The following BABAM1 variants were observed in gnomAD, a reference collection of about 807,000 sequenced individuals.
BABAM1 encodes the protein BRISC and BRCA1 A complex member 1.
In BABAM1, 14 loss-of-function variants were observed where a neutral mutation model predicts 34.4. The observed-to-expected ratio is 0.41, with a 90% CI of 0.27 to 0.64. The LOEUF (loss-of-function observed/expected upper bound fraction) is 0.64. Ranked by LOEUF, BABAM1 falls within the 30% of genes least tolerant of loss-of-function variation. BABAM1 has a pLI of 0.34. For missense variants in BABAM1, 393 were observed against 434.0 expected (o/e 0.91, Z 0.84); for synonymous variants, 169 against 165.8 (o/e 1.02, Z -0.15).
intron 3 of BABAM1, among the ~76,000 whole-genome samples, 193 bp from the exon 4 acceptor site, chr19:17,273,711 C>G (rs571503302): frequency 6.6e-6 from 1 of 151,702 alleles, no homozygotes; most frequent in African/African-American, 2.4e-5. Context: ...TACAGGCACT[C>G]GCCACCACGC....
At chr19:17,273,564 G>GTTTTGTTTT (rs1555716590) in intron 3 of BABAM1, among the ~76,000 whole-genome samples, 10 of 45,938 alleles carry the variant, frequency 2.2e-4, no homozygotes, top group African/African-American at 5.8e-4. Flanking sequence ...TGTTTGTTTT[G>GTTTTGTTTT]TTTTTTTTTT....
chr19:17,271,724 G>A, intron 3 of BABAM1, 69 bp downstream of exon 3: 1 of 1,528,702 alleles, frequency 6.5e-7, no homozygotes, highest in South Asian at 1.2e-5. Context: ...AAGATACGGG[G>A]CTCTCACTCT....
At chr19:17,271,908 A>T (rs927412570) in intron 3 of BABAM1, among the ~76,000 whole-genome samples, 22 of 152,154 alleles carry the variant, frequency 1.4e-4, no homozygotes, top group Admixed American at 1.3e-4. Context: ...ATCTCTAAAA[A>T]AATAAAATAT....
rs371905545 is a variant in BABAM1 at position 17,268,876 on chromosome 19, C to T, written c.70C>T (p.Arg24Trp). Residue 24 changes from arginine to tryptophan, a missense_variant, in exon 2 of 9, where the codon CGG becomes TGG. By Grantham distance (101) the Arg-to-Trp change is moderately radical (BLOSUM62 -3). Transcript: ENST00000598188. ...GGAAGAGGAGCACTCGGCAGAGCCT[C>T]GGCCCCGCACTCGCTCCAATCCTGA... Reference protein sequence around the residue: ...EEEEEHSAEPRPRTRSNPEGA... With the variant: ...EEEEEHSAEPWPRTRSNPEGA... The T allele has an allele frequency of 6.9e-6, 11 of 1,600,556 alleles. No homozygotes were observed. The highest frequency in any genetic ancestry group is 5.2e-5 in the Admixed American group (3 of 57,750).
In BABAM1 at chr19:17,276,562, A is replaced by C; in HGVS notation, c.637A>C (p.Thr213Pro). ...GATTCCCCCGCCATATGTGGTCCGC[A>C]CCATCCTTGTCTACAGCCGTCCACC... ...QTIPPPYVVR[T>P]ILVYSRPPCQ... Residue 213 changes from threonine (T) to proline (P), a missense_variant, in exon 7 of 9, where the codon ACC becomes CCC. By Grantham distance (38) the Thr-to-Pro change is conservative. Coordinates refer to ENST00000598188, the MANE Select transcript of BABAM1 (RefSeq NM_014173.4). 2 of 1,605,712 alleles carry C rather than the reference A, an allele frequency of 1.2e-6. No homozygotes were observed. The highest frequency in any genetic ancestry group is 2.2e-5 in the South Asian group (2 of 89,088).
intron 1 of BABAM1, 78 bp from the exon 2 acceptor site, chr19:17,268,716 A>C: frequency 7.1e-7 from 1 of 1,415,474 alleles, no homozygotes; most frequent in Non-Finnish European, 9.3e-7. Context: ...GGCATGAGCC[A>C]CCGTGCCCGA....
chr19:17,269,203 A>G, intron 2 of BABAM1, 112 bp downstream of exon 2: 1 of 1,293,872 alleles, frequency 7.7e-7, no homozygotes, highest in Non-Finnish European at 1.0e-6. Flanking sequence ...TGGCTGCCAC[A>G]AGTCACCGTG....
chr19:17,267,860 G>C (rs1435858860), intron 1 of BABAM1, among the ~76,000 whole-genome samples: 1 of 152,150 alleles, frequency 6.6e-6, no homozygotes, highest in Non-Finnish European at 1.5e-5. Flanking sequence ...GTGTCCTAGA[G>C]GTTATTATTC....
chr19:17,268,852 G>C lies in BABAM1; in HGVS notation c.46G>C (p.Glu16Gln). 1 of 1,610,266 alleles carries C rather than the reference G, an allele frequency of 6.2e-7. No individual in the cohort carries two copies. The highest frequency in any genetic ancestry group is 1.3e-5 in the African/African-American group (1 of 75,000). The part of the protein sequence containing the change: ...PSSPTEEEEE[E>Q]EEHSAEPRPR... ...CAGCCCCACTGAAGAGGAGGAGGAG[G>C]AAGAGGAGCACTCGGCAGAGCCTCG... The change falls in exon 2 of 9, where the codon GAA (glutamate) becomes CAA (glutamine). Residue 16 changes from glutamate (E) to glutamine (Q), a missense_variant. Transcript: ENST00000598188.
Position 17,278,923 on chromosome 19 carries a change from C to T in BABAM1, c.865C>T (p.Leu289=), listed in dbSNP as rs753075332. Residue 289 remains leucine (L), a synonymous_variant, in exon 9 of 9, where the codon CTG becomes TTG. Coordinates refer to ENST00000598188, the MANE Select transcript of BABAM1 (RefSeq NM_014173.4). ...KYEVALAGPA[L]ELHNCMAKLL... ...TGAGGTGGCACTGGCTGGGCCAGCCCTGGAGTTGCACAACTGCATGGCGAA... is the reference window on the plus strand; with the variant it reads ...TGAGGTGGCACTGGCTGGGCCAGCCTTGGAGTTGCACAACTGCATGGCGAA... 1.9e-6 allele frequency: 3 copies of T among 1,613,464 alleles called. No homozygotes were observed. The highest frequency in any genetic ancestry group is 2.5e-6 in the Non-Finnish European group (3 of 1,179,770).
chr19:17,271,502 C>T, intron 2 of BABAM1, 95 bp from the exon 3 acceptor site: 1 of 1,408,586 alleles, frequency 7.1e-7, no homozygotes, highest in Non-Finnish European at 9.8e-7. Flanking sequence ...ACCATACTGC[C>T]TTTTCAGACA....
intron 3 of BABAM1, among the ~76,000 whole-genome samples, chr19:17,272,973 G>A (rs991205017): frequency 1.3e-4 from 20 of 152,018 alleles, no homozygotes; most frequent in Admixed American, 7.2e-4. Flanking sequence ...AGCCAAGATC[G>A]CGCCATTGCA....
chr19:17,269,841 C>T (rs570028109), intron 2 of BABAM1, among the ~76,000 whole-genome samples: 147 of 150,182 alleles, frequency 9.8e-4, no homozygotes, highest in African/African-American at 3.2e-3. Context: ...GCCATTCTCC[C>T]GCCTCAGCCT....
chr19:17,277,220 G>C, intron 8 of BABAM1: 2 of 169,644 alleles, frequency 1.2e-5, no homozygotes, highest in Non-Finnish European at 2.1e-5. Context: ...TTTTTTTTTT[G>C]AGACAGAGTC....
chr19:17,273,988 G>A lies in BABAM1; in HGVS notation c.429G>A (p.Glu143=). ...RTKHKIDKSH[E]FALVVVNDDT... ...AACACAAGATCGACAAAAGCCACGA[G>A]TTTGCACTGGTGGTGGTGAACGATG... The change falls in exon 4 of 9, where the codon GAG becomes GAA. Residue 143 remains glutamate, a synonymous_variant. Coordinates refer to ENST00000598188, the MANE Select transcript of BABAM1 (RefSeq NM_014173.4). 6.2e-7 allele frequency: 1 copy of A among 1,614,016 alleles called. No individual in the cohort carries two copies. Among genetic ancestry groups the A allele is most frequent in the South Asian group, 1.1e-5 (1 of 91,086 alleles).
At chr19:17,268,093 C>T (rs1029865665) in intron 1 of BABAM1, among the ~76,000 whole-genome samples, 4 of 152,014 alleles carry the variant, frequency 2.6e-5, no homozygotes, top group Admixed American at 2.6e-4. Flanking sequence ...AGCTCTGCAA[C>T]TCTAATGAGA....
chr19:17,274,919 T>C (rs1334999836), intron 5 of BABAM1, among the ~76,000 whole-genome samples: 1 of 152,206 alleles, frequency 6.6e-6, no homozygotes, highest in Non-Finnish European at 1.5e-5. Context: ...GGGACCTTTT[T>C]TTATTTTTGC....
chr19:17,274,528 A>C, intron 5 of BABAM1: 1 of 282,034 alleles, frequency 3.5e-6, no homozygotes, highest in Non-Finnish European at 6.9e-6. Context: ...AGATCTTGCC[A>C]CTGTACTCCA....
rs1344736730 is a variant in BABAM1 at position 17,276,562 on chromosome 19, A to G, written c.637A>G (p.Thr213Ala). ...GATTCCCCCGCCATATGTGGTCCGCACCATCCTTGTCTACAGCCGTCCACC... is the reference window on the plus strand; with the variant it reads ...GATTCCCCCGCCATATGTGGTCCGCGCCATCCTTGTCTACAGCCGTCCACC... ...QTIPPPYVVRTILVYSRPPCQ... is the reference protein window; with the variant it reads ...QTIPPPYVVRAILVYSRPPCQ... The change falls in exon 7 of 9, where the codon ACC becomes GCC. Residue 213 changes from threonine (T) to alanine (A), a missense_variant. Physicochemically the swap from Thr to Ala is moderately conservative, Grantham distance 58. Coordinates refer to ENST00000598188, the MANE Select transcript of BABAM1 (RefSeq NM_014173.4). The G allele has an allele frequency of 3.7e-6, 6 of 1,605,594 alleles. No homozygotes were observed. The African/African-American group carries it at 8.0e-5, about 22-fold the overall frequency.
Sources: allele counts gnomAD v4.1 joint callset (sites outside exome capture counted in the v4.1 genomes callset), GRCh38; gene constraint gnomAD v4.1.1; transcripts MANE v1.5; gene names NCBI Gene and HGNC (gene_info 2026-07-23, HGNC 2026-07-21).